The following ANKRD55 variants were observed in gnomAD, a reference collection of about 807,000 sequenced individuals.
ANKRD55 encodes ankyrin repeat domain-containing protein 55.
In ANKRD55, 41 loss-of-function variants were observed where a neutral mutation model predicts 60.6. The ratio of observed to expected loss-of-function variants is 0.68; its 90% CI spans 0.53 to 0.88. The LOEUF is 0.88. ANKRD55 is among the 40% of genes least tolerant of loss of function. The probability of loss-of-function intolerance (pLI) is 0.00; values close to 1 mark genes in which losing one functional copy is unlikely to be tolerated. For synonymous variants in ANKRD55, 264 were observed against 290.3 expected, an observed-to-expected ratio of 0.91 and a Z score of 0.92; for missense variants, 732 against 767.6, an observed-to-expected ratio of 0.95 and a Z score of 0.55.
At chr5:56,146,324 G>A (rs1250072743) in intron 6 of ANKRD55, among the ~76,000 whole-genome samples, 8 of 148,834 alleles carry the variant, frequency 5.4e-5, no homozygotes, top group South Asian at 4.2e-4. Flanking sequence ...TCGCTCTGTC[G>A]CCCAGGCTGG....
intron 2 of ANKRD55, among the ~76,000 whole-genome samples, chr5:56,191,263 GAGATTATATTGAATCTGT>G (rs957099229): frequency 6.6e-6 from 1 of 152,188 alleles, no homozygotes; most frequent in African/African-American, 2.4e-5. Flanking sequence ...GATTTTGACA[GAGATTATATTGAATCTGT>G]AGATTGCTTT....
chr5:56,176,147 A>G lies in ANKRD55; in HGVS notation c.312+5T>C, dbSNP rs1393013738. Reference sequence around the variant, plus strand: ...TTCCACCCTGTGACAGGCACAAGTCAGTACCAGGTAGGTGGCCAGGCATAA... The same window carrying G: ...TTCCACCCTGTGACAGGCACAAGTCGGTACCAGGTAGGTGGCCAGGCATAA... On this transcript the variant is annotated splice_donor_5th_base_variant and intron_variant, in intron 4 of 11. Transcript: ENST00000341048. 6.2e-7 allele frequency: 1 copy of G among 1,614,192 alleles called. No individual in the cohort carries two copies. The highest frequency in any genetic ancestry group is 1.7e-5 in the Admixed American group (1 of 60,024).
At chr5:56,186,198 C>T (rs1023276030) in intron 2 of ANKRD55, among the ~76,000 whole-genome samples, 3 of 152,158 alleles carry the variant, frequency 2.0e-5, no homozygotes, top group African/African-American at 4.8e-5. Context: ...GACAGGGTCT[C>T]GTTGGGTCAC....
intron 2 of ANKRD55, among the ~76,000 whole-genome samples, chr5:56,220,759 G>A (rs754100091): frequency 1.3e-5 from 2 of 152,146 alleles, no homozygotes; most frequent in Admixed American, 6.5e-5. Flanking sequence ...GTTGCAGTGA[G>A]CCAAGACCAT....
intron 2 of ANKRD55, among the ~76,000 whole-genome samples, chr5:56,195,199 G>A (rs1286176172): frequency 6.6e-6 from 1 of 152,124 alleles, no homozygotes; most frequent in Non-Finnish European, 1.5e-5. Context: ...ACCTATTCAA[G>A]GCTGTCATCA....
At chr5:56,166,153 T>TTCCTTC (rs1561277854) in intron 5 of ANKRD55, among the ~76,000 whole-genome samples, 3 of 49,504 alleles carry the variant, frequency 6.1e-5, no homozygotes, top group East Asian at 6.7e-4. Flanking sequence ...TTTCTTTCTT[T>TTCCTTC]CTTCTTTCCT....
chr5:56,115,213 A>ATAAT (rs1491347033), intron 9 of ANKRD55, among the ~76,000 whole-genome samples: 18 of 30,436 alleles, frequency 5.9e-4, no homozygotes, highest in Non-Finnish European at 2.0e-3. Context: ...AATAATAATA[A>ATAAT]TAATAAATAA....
In ANKRD55 at chr5:56,221,730, A is replaced by T. The variant is rs186056310; in HGVS notation, c.58+11126T>A. 4.9e-3 allele frequency among the ~76,000 whole-genome samples: 743 copies of T among 152,352 alleles called. 3 individuals are homozygous for T. The highest frequency in any genetic ancestry group is 8.1e-3 in the Non-Finnish European group (553 of 68,038). ...GCCTAGCTTGGAGGGTCCCATGCCC[A>T]CGGAGCCTTGCTCACTGCTAGCACA... is the stretch of plus-strand genomic sequence containing the variant. On this transcript the variant is annotated intron_variant, in intron 2 of 11. Transcript: ENST00000341048.
At chr5:56,198,433 G>T (rs1287961940) in intron 2 of ANKRD55, among the ~76,000 whole-genome samples, 1 of 151,908 alleles carries the variant, frequency 6.6e-6, no homozygotes, top group Non-Finnish European at 1.5e-5. Context: ...TTACAGGCAT[G>T]CACCACCACG....
intron 7 of ANKRD55, 38 bp downstream of exon 7, chr5:56,143,763 A>G: frequency 6.2e-7 from 1 of 1,613,240 alleles, no homozygotes; most frequent in Non-Finnish European, 8.5e-7. Flanking sequence ...GCTTTCCACC[A>G]TTTAAACCTG....
intron 7 of ANKRD55, among the ~76,000 whole-genome samples, chr5:56,140,926 G>A (rs797005158): frequency 5.3e-5 from 8 of 152,108 alleles, no homozygotes; most frequent in African/African-American, 1.9e-4. Flanking sequence ...AGGCAGTCGT[G>A]GTGGTGTGTG....
Position 56,112,511 on chromosome 5 carries a change from A to AAAAAAAAAAAAAAAAAAAAAAAAAAAAAC in ANKRD55, c.966-730_966-729insGTTTTTTTTTTTTTTTTTTTTTTTTTTTT. Among the ~76,000 whole-genome samples, 11 of 81,522 alleles carry AAAAAAAAAAAAAAAAAAAAAAAAAAAAAC rather than the reference A, an allele frequency of 1.3e-4. 1 individual carries two copies. The highest frequency in any genetic ancestry group is 4.3e-4 in the African/African-American group (8 of 18,532). The allele number at this position is 81,522 out of a possible 152,430, so 53.5% of individuals were successfully genotyped here. A position where few individuals can be genotyped will look rare whatever the true frequency, so the allele number is the denominator to read the frequency against. On this transcript the variant is annotated intron_variant, in intron 9 of 11. Transcript: ENST00000341048. ...GCAGGATCTCATCTCTAGCAAAAAAAAAAAAAAAAAACAACCAAGGAAAGA... is the reference window on the plus strand; with the variant it reads ...GCAGGATCTCATCTCTAGCAAAAAAAAAAAAAAAAAAAAAAAAAAAAAAAAAAACAAAAAAAAAAACAACCAAGGAAAGA...
intron 6 of ANKRD55, among the ~76,000 whole-genome samples, chr5:56,147,859 C>T (rs1240823974): frequency 6.6e-6 from 1 of 152,170 alleles, no homozygotes; most frequent in Non-Finnish European, 1.5e-5. Context: ...GGAACATTTT[C>T]CTACAACTGC....
At chr5:56,170,607 A>G (rs1758588553) in intron 5 of ANKRD55, 87 bp downstream of exon 5, 3 of 979,002 alleles carry the variant, frequency 3.1e-6, no homozygotes, top group Non-Finnish European at 4.5e-6. Flanking sequence ...TTCTTTTTTT[A>G]TCAGCCACAG....
chr5:56,153,788 G>A (rs1315956662), intron 6 of ANKRD55, among the ~76,000 whole-genome samples: 1 of 151,582 alleles, frequency 6.6e-6, no homozygotes, highest in Admixed American at 6.6e-5. Context: ...AGTGAGCCGA[G>A]ATCGCACCAT....
intron 8 of ANKRD55, among the ~76,000 whole-genome samples, chr5:56,122,272 C>T (rs547438836): frequency 6.6e-6 from 1 of 152,146 alleles, no homozygotes; most frequent in Non-Finnish European, 1.5e-5. Flanking sequence ...GGCCTAAAGA[C>T]GATTAGCCCT....
At chr5:56,192,705 A>G in intron 2 of ANKRD55, 1 of 1,373,468 alleles carries the variant, frequency 7.3e-7, no homozygotes, top group Non-Finnish European at 1.0e-6. Flanking sequence ...CATTCAGATG[A>G]TAATGGACAG....
Position 56,112,511 on chromosome 5 carries a change from A to AAAAAAAAAAAAAAAAAAAAAAAAC in ANKRD55, c.966-730_966-729insGTTTTTTTTTTTTTTTTTTTTTTT. On this transcript the variant is annotated intron_variant, in intron 9 of 11. Coordinates refer to ENST00000341048, the MANE Select transcript of ANKRD55 (RefSeq NM_024669.3). Reference sequence around the variant, plus strand: ...GCAGGATCTCATCTCTAGCAAAAAAAAAAAAAAAAAACAACCAAGGAAAGA... The same window carrying AAAAAAAAAAAAAAAAAAAAAAAAC: ...GCAGGATCTCATCTCTAGCAAAAAAAAAAAAAAAAAAAAAAAAAAAAAACAAAAAAAAAAACAACCAAGGAAAGA... Among the ~76,000 whole-genome samples, 43 of 81,512 alleles carry AAAAAAAAAAAAAAAAAAAAAAAAC rather than the reference A, an allele frequency of 5.3e-4. 3 individuals are homozygous for AAAAAAAAAAAAAAAAAAAAAAAAC. Among genetic ancestry groups the AAAAAAAAAAAAAAAAAAAAAAAAC allele is most frequent in the African/African-American group, 2.3e-3 (43 of 18,524 alleles). 53.5% of individuals were successfully genotyped at this position (81,512 alleles called of 152,430 possible). A position where few individuals can be genotyped will look rare whatever the true frequency, so the allele number is the denominator to read the frequency against.
intron 2 of ANKRD55, among the ~76,000 whole-genome samples, chr5:56,212,164 A>C (rs1759691341): frequency 6.6e-6 from 1 of 152,020 alleles, no homozygotes; most frequent in Non-Finnish European, 1.5e-5. Context: ...GATCAATTTC[A>C]GTTGGGTATT....
Sources: gnomAD v4.1 joint callset for allele counts (sites outside exome capture counted in the v4.1 genomes callset) on GRCh38, gnomAD v4.1.1 for gene constraint, MANE v1.5 for transcripts, NCBI Gene and HGNC (gene_info 2026-07-23, HGNC 2026-07-21) for gene names.